The following GRK3 variants were observed in gnomAD, a reference collection of about 807,000 sequenced individuals.
GRK3 encodes the protein G protein-coupled receptor kinase 3, also known as adrenergic, beta, receptor kinase 2.
A neutral mutation model predicts 95.7 loss-of-function variants in GRK3; 54 were observed. The ratio of observed to expected loss-of-function variants is 0.56; its 90% CI spans 0.45 to 0.71. GRK3 has a LOEUF of 0.71. Ranked by LOEUF, GRK3 falls within the 30% of genes least tolerant of loss-of-function variation. The pLI is 0.00. For missense variants in GRK3, 649 were observed against 851.2 expected, an observed-to-expected ratio of 0.76 and a Z score of 2.96; for synonymous variants, 281 against 290.8, an observed-to-expected ratio of 0.97 and a Z score of 0.34.
intron 1 of GRK3, among the ~76,000 whole-genome samples, chr22:25,587,272 C>T (rs1017260877): frequency 6.6e-6 from 1 of 152,168 alleles, no homozygotes; most frequent in Admixed American, 6.5e-5. Context: ...AAGGAGGCTG[C>T]AACCCTCCCT....
chr22:25,706,586 AGT>A (rs2085301693), intron 15 of GRK3, among the ~76,000 whole-genome samples: 1 of 152,030 alleles, frequency 6.6e-6, no homozygotes, highest in Non-Finnish European at 1.5e-5. Context: ...GTTGGAGTGC[AGT>A]GGCACAATCT....
chr22:25,568,099 G>A (rs1278653187), intron 1 of GRK3, among the ~76,000 whole-genome samples: 3 of 152,220 alleles, frequency 2.0e-5, no homozygotes, highest in African/African-American at 4.8e-5. Context: ...CCTACTGGGA[G>A]TAGTAAACTG....
intron 9 of GRK3, among the ~76,000 whole-genome samples, chr22:25,682,235 C>T (rs984252996): frequency 2.0e-5 from 3 of 152,162 alleles, no homozygotes; most frequent in African/African-American, 7.2e-5. Flanking sequence ...TTTAAAGGGA[C>T]AGTGGCCTGT....
chr22:25,717,662 C>T (rs925658490), intron 18 of GRK3, among the ~76,000 whole-genome samples: 3 of 152,140 alleles, frequency 2.0e-5, no homozygotes, highest in Non-Finnish European at 4.4e-5. Flanking sequence ...TTTAAGGACA[C>T]AGTCCTTCAC....
intron 18 of GRK3, among the ~76,000 whole-genome samples, chr22:25,716,804 C>G (rs572183368): frequency 2.0e-5 from 3 of 152,344 alleles, no homozygotes; most frequent in African/African-American, 7.2e-5. Flanking sequence ...CAGTTAGGAA[C>G]CGGGCTGCAC....
At chr22:25,647,846 C>T (rs2084797070) in intron 3 of GRK3, 1 of 740,592 alleles carries the variant, frequency 1.4e-6, no homozygotes, top group Non-Finnish European at 2.5e-6. Context: ...TGCAGTGGCT[C>T]ATGCCTGTAA....
chr22:25,587,196 T>C (rs1317290723), intron 1 of GRK3, among the ~76,000 whole-genome samples: 2 of 152,078 alleles, frequency 1.3e-5, no homozygotes, highest in African/African-American at 4.8e-5. Flanking sequence ...CAGTGGCCCT[T>C]GCAGTCTTTT....
chr22:25,719,904 T>C (rs776434069), intron 19 of GRK3, among the ~76,000 whole-genome samples: 3 of 152,250 alleles, frequency 2.0e-5, no homozygotes, highest in Non-Finnish European at 4.4e-5. Flanking sequence ...CAATTATGAA[T>C]GATTACAATT....
intron 2 of GRK3, among the ~76,000 whole-genome samples, chr22:25,628,875 A>C (rs2084645523): frequency 6.6e-6 from 1 of 152,122 alleles, no homozygotes; most frequent in African/African-American, 2.4e-5. Flanking sequence ...GAGAGCTGTC[A>C]CATCGATTTC....
At chr22:25,713,110 T>C (rs1214285807) in intron 17 of GRK3, among the ~76,000 whole-genome samples, 1 of 152,190 alleles carries the variant, frequency 6.6e-6, no homozygotes, top group Non-Finnish European at 1.5e-5. Context: ...GGTAGAACAG[T>C]GTCTATTAAA....
At chr22:25,665,785 T>C (rs1569185158) in intron 5 of GRK3, among the ~76,000 whole-genome samples, 1 of 152,236 alleles carries the variant, frequency 6.6e-6, no homozygotes, top group African/African-American at 2.4e-5. Flanking sequence ...GTAAAGTCAG[T>C]TGAAGTTCAT....
intron 1 of GRK3, among the ~76,000 whole-genome samples, chr22:25,575,167 A>G (rs1289608565): frequency 1.3e-5 from 2 of 152,196 alleles, no homozygotes; most frequent in East Asian, 1.9e-4. Flanking sequence ...TCTGTCCTTT[A>G]AGTAAGGTGA....
chr22:25,678,734 C>A, intron 8 of GRK3, 82 bp from the exon 9 acceptor site: 2 of 733,632 alleles, frequency 2.7e-6, no homozygotes, highest in Non-Finnish European at 4.3e-6. Context: ...TGTTCAGAAA[C>A]TTGCCCCAGA....
chr22:25,591,865 A>T (rs1264834342), intron 1 of GRK3, among the ~76,000 whole-genome samples: 2 of 152,158 alleles, frequency 1.3e-5, no homozygotes, highest in African/African-American at 2.4e-5. Context: ...TTATAGTGAT[A>T]TGCATATTTA....
intron 2 of GRK3, among the ~76,000 whole-genome samples, chr22:25,643,354 C>T (rs1038288086): frequency 2.0e-5 from 3 of 152,134 alleles, no homozygotes; most frequent in South Asian, 2.1e-4. Context: ...TTTGAGTGAA[C>T]GAACACTTAC....
chr22:25,670,881 CAAAAA>C (rs71191074), intron 6 of GRK3, among the ~76,000 whole-genome samples: 3 of 65,704 alleles, frequency 4.6e-5, no homozygotes, highest in Admixed American at 3.6e-4. Flanking sequence ...ACTAAAAATA[CAAAAA>C]AAAAAAAAAA....
rs115651166 is a variant in GRK3 at position 25,614,483 on chromosome 22, G to T, written c.190+10030G>T. Among the ~76,000 whole-genome samples, 231 of 152,274 alleles carry T rather than the reference G, an allele frequency of 1.5e-3. 3 individuals are homozygous for T. The highest frequency in any genetic ancestry group is 5.0e-3 in the African/African-American group (206 of 41,558). On this transcript the variant is annotated intron_variant, in intron 2 of 20. Coordinates refer to ENST00000324198, the MANE Select transcript of GRK3 (RefSeq NM_005160.4). ...TGCTTAATTTTCCCAGAGCTCTTCT[G>T]AGTGTGTGATTGGAATACTATTAGT...
chr22:25,677,601 A>G (rs1316550182), intron 8 of GRK3, among the ~76,000 whole-genome samples: 1 of 152,208 alleles, frequency 6.6e-6, no homozygotes, highest in Non-Finnish European at 1.5e-5. Flanking sequence ...ACTCGTAGAA[A>G]AGTGGATAAA....
rs1177396449 is a variant in GRK3 at position 25,678,837 on chromosome 22, TAAG to T, written c.674_676del (p.Lys225del). ...CTAGGTATGCAATGAAATGCTTAGA[TAAG>T]AAGAGGATCAAAATGAAACAAGGAG... On this transcript the variant is annotated inframe_deletion, in exon 9 of 21. Coordinates refer to ENST00000324198, the MANE Select transcript of GRK3 (RefSeq NM_005160.4). The T allele has an allele frequency of 1.2e-6, 2 of 1,603,666 alleles. No homozygotes were observed. Among genetic ancestry groups the T allele is most frequent in the Non-Finnish European group, 1.7e-6 (2 of 1,173,004 alleles).
Sources: gnomAD v4.1 joint callset for allele counts (sites outside exome capture counted in the v4.1 genomes callset) on GRCh38, gnomAD v4.1.1 for gene constraint, MANE v1.5 for transcripts, NCBI Gene and HGNC (gene_info 2026-07-23, HGNC 2026-07-21) for gene names.